Variants in DDX1 observed in about 807,000 individuals in gnomAD.
The protein encoded by DDX1 is ATP-dependent RNA helicase DDX1.
DDX1 carries 28 observed loss-of-function variants against 108.7 expected under a neutral mutation model. The observed-to-expected ratio is 0.26, with a 90% CI of 0.19 to 0.35. DDX1 has a LOEUF of 0.35. Among genes scored for constraint, DDX1 ranks in the 10% least tolerant of loss-of-function variants. The probability of loss-of-function intolerance (pLI) is 1.00; values close to 1 mark genes in which losing one functional copy is unlikely to be tolerated. For synonymous variants in DDX1, 295 were observed against 288.9 expected, an observed-to-expected ratio of 1.02 and a Z score of -0.21; for missense variants, 710 against 884.5, an observed-to-expected ratio of 0.80 and a Z score of 2.50.
In DDX1 at chr2:15,605,730, A is replaced by G. The variant is rs116739144; in HGVS notation, c.626-220A>G. On this transcript the variant is annotated intron_variant, in intron 10 of 25. Coordinates refer to ENST00000233084, the MANE Select transcript of DDX1 (RefSeq NM_004939.3). ...ATATGCTTTGAAATGTCTAATGGAA[A>G]TGAACTTGTAGACAGGGAGTAATGA... 7.6e-3 allele frequency among the ~76,000 whole-genome samples: 1,164 copies of G among 152,288 alleles called. 15 individuals carry two copies. Among genetic ancestry groups the G allele is most frequent in the African/African-American group, 0.027 (1,106 of 41,562 alleles).
At chr2:15,628,759 G>GA in intron 22 of DDX1, 38 bp from the exon 23 acceptor site, 1 of 1,612,832 alleles carries the variant, frequency 6.2e-7, no homozygotes, top group Non-Finnish European at 8.5e-7. Flanking sequence ...TATGCTTTAG[G>GA]AATAAAGTCT....
intron 5 of DDX1, chr2:15,599,269 G>T (rs1013119098): frequency 6.8e-6 from 1 of 147,340 alleles, no homozygotes; most frequent in Non-Finnish European, 1.5e-5. Flanking sequence ...TAAAATACTT[G>T]TTTTTTTTTT....
At chr2:15,612,087 G>GA (rs1354236039) in intron 13 of DDX1, among the ~76,000 whole-genome samples, 3 of 141,558 alleles carry the variant, frequency 2.1e-5, no homozygotes, top group Admixed American at 1.4e-4. Flanking sequence ...GGCTGGCGGG[G>GA]CCTGACCCCC....
chr2:15,592,535 C>T (rs1000147321), intron 1 of DDX1, among the ~76,000 whole-genome samples: 1 of 152,166 alleles, frequency 6.6e-6, no homozygotes, highest in African/African-American at 2.4e-5. Context: ...TTTTCATTAA[C>T]GTACGCACCA....
intron 14 of DDX1, among the ~76,000 whole-genome samples, chr2:15,616,055 G>A (rs932278122): frequency 1.9e-5 from 2 of 107,114 alleles, no homozygotes; most frequent in Admixed American, 9.7e-5. Flanking sequence ...GCCATGCCCG[G>A]CTAATTTTGT....
At chr2:15,607,377 A>G in intron 13 of DDX1, 64 bp downstream of exon 13, 1 of 1,471,358 alleles carries the variant, frequency 6.8e-7, no homozygotes, top group Non-Finnish European at 9.4e-7. Context: ...TGGAAGAAGA[A>G]TAAGGTAGAG....
chr2:15,612,415 C>T (rs1464947050), intron 13 of DDX1, among the ~76,000 whole-genome samples: 2 of 151,350 alleles, frequency 1.3e-5, no homozygotes, highest in Non-Finnish European at 2.9e-5. Context: ...GGATGGCGGC[C>T]GGGAAGAGGC....
At chr2:15,622,618 C>T (rs569270086) in intron 18 of DDX1, among the ~76,000 whole-genome samples, 160 of 152,254 alleles carry the variant, frequency 1.1e-3, no homozygotes, top group South Asian at 2.1e-3. Context: ...AAGATTTGAA[C>T]TCAGTTTTAT....
chr2:15,605,302 TGAG>T (rs1665645139), intron 10 of DDX1, among the ~76,000 whole-genome samples: 1 of 151,774 alleles, frequency 6.6e-6, no homozygotes, highest in East Asian at 1.9e-4. Context: ...GTCAGCAAAT[TGAG>T]GAGAATCCAG....
rs908930474 is a variant in DDX1 at position 15,599,208 on chromosome 2, T to C, written c.260-461T>C. The C allele has an allele frequency of 2.0e-5, 3 of 152,208 alleles. 1 individual carries two copies. Among genetic ancestry groups the C allele is most frequent in the Non-Finnish European group, 4.4e-5 (3 of 68,044 alleles). 9.4% of individuals were successfully genotyped at this position (152,208 alleles called of 1,614,324 possible). A position where few individuals can be genotyped will look rare whatever the true frequency, so the allele number is the denominator to read the frequency against. On this transcript the variant is annotated intron_variant, in intron 5 of 25. Coordinates refer to ENST00000233084, the MANE Select transcript of DDX1 (RefSeq NM_004939.3). ...TTAATAAAAACAAGTTTTACTTGTG[T>C]ATTCTAAATAATATATAAAACCATA...
At chr2:15,626,585 T>TG (rs1228797555) in intron 19 of DDX1, among the ~76,000 whole-genome samples, 2 of 152,124 alleles carry the variant, frequency 1.3e-5, no homozygotes, top group African/African-American at 2.4e-5. Context: ...GAATCTTCTG[T>TG]GGCCATGAAA....
chr2:15,603,949 C>T, intron 9 of DDX1, 59 bp downstream of exon 9: 1 of 1,072,266 alleles, frequency 9.3e-7, no homozygotes, highest in Admixed American at 2.0e-5. Context: ...CATACTTAAT[C>T]ACTCATGACA....
chr2:15,610,198 C>T (rs1277782544), intron 13 of DDX1, among the ~76,000 whole-genome samples: 4 of 152,222 alleles, frequency 2.6e-5, no homozygotes, highest in Non-Finnish European at 5.9e-5. Flanking sequence ...TCCGAAAGTG[C>T]TGGATTATAG....
chr2:15,592,198 C>A (rs1573033521), intron 1 of DDX1, among the ~76,000 whole-genome samples: 1 of 152,222 alleles, frequency 6.6e-6, no homozygotes, highest in Non-Finnish European at 1.5e-5. Flanking sequence ...CTACCAGTCT[C>A]CACTTGGCTT....
At chr2:15,621,473 T>C (rs1558458680) in intron 18 of DDX1, 1 of 197,610 alleles carries the variant, frequency 5.1e-6, no homozygotes, top group Non-Finnish European at 1.0e-5. Context: ...CTGGCTAATT[T>C]TTTTATATTT....
rs781617083 is a variant in DDX1, at chr2:15,591,897, G to GGAGC, written c.-32_-29dup. ...CCACGCCGTGTCAGTCGGGAGGGAG[G>GGAGC]GAGCGAGCAGGCGAAGCCGCGGAGG... On this transcript the variant is annotated 5_prime_UTR_variant, in exon 1 of 26. Coordinates refer to ENST00000233084, the MANE Select transcript of DDX1 (RefSeq NM_004939.3). The GGAGC allele has an allele frequency of 1.4e-6, 2 of 1,466,476 alleles. No individual in the cohort carries two copies. The highest frequency in any genetic ancestry group is 1.5e-5 in the African/African-American group (1 of 67,360). 90.8% of individuals were successfully genotyped at this position (1,466,476 alleles called of 1,614,324 possible).
Position 15,628,817 on chromosome 2 carries a change from T to A in DDX1, c.1853T>A (p.Leu618Gln). The change falls in exon 23 of 26, where the codon CTG becomes CAG. Residue 618 changes from leucine (L) to glutamine (Q), a missense_variant. Coordinates refer to ENST00000233084, the MANE Select transcript of DDX1 (RefSeq NM_004939.3). ...RAERMGLAIS[L>Q]VATEKEKVWY... ...TTCAGGATGGGTCTGGCAATTTCCC[T>A]GGTGGCAACAGAAAAAGAAAAGGTA... is the stretch of plus-strand genomic sequence containing the variant. 6.2e-7 allele frequency: 1 copy of A among 1,613,776 alleles called. No homozygotes were observed. Among genetic ancestry groups the A allele is most frequent in the Non-Finnish European group, 8.5e-7 (1 of 1,179,724 alleles).
intron 1 of DDX1, among the ~76,000 whole-genome samples, chr2:15,594,104 GA>G (rs1267252157): frequency 1.3e-5 from 2 of 151,740 alleles, no homozygotes; most frequent in East Asian, 3.9e-4. Context: ...AGAAAAAAAA[GA>G]AAAAGAGTTA....
chr2:15,629,924 A>G (rs1341678479), intron 24 of DDX1, 66 bp from the exon 25 acceptor site: 1 of 1,446,490 alleles, frequency 6.9e-7, no homozygotes, highest in Non-Finnish European at 9.4e-7. Context: ...GCTTTATTTA[A>G]TGATGATAAA....
Sources: allele counts gnomAD v4.1 joint callset (sites outside exome capture counted in the v4.1 genomes callset), GRCh38; gene constraint gnomAD v4.1.1; transcripts MANE v1.5; gene names NCBI Gene and HGNC (gene_info 2026-07-23, HGNC 2026-07-21).